CCDC192: variants seen among roughly 807,000 people sequenced by gnomAD.
The protein encoded by CCDC192 is coiled-coil domain-containing protein 192.
chr5:127,706,790 A>G (rs1750991785), intron 1 of CCDC192, among the ~76,000 whole-genome samples: 1 of 152,194 alleles, frequency 6.6e-6, no homozygotes, highest in Admixed American at 6.5e-5. Context: ...TTAGAATGTG[A>G]TAAGTATCAC....
At chr5:127,770,377 C>A (rs907918177) in intron 3 of CCDC192, among the ~76,000 whole-genome samples, 2 of 152,246 alleles carry the variant, frequency 1.3e-5, no homozygotes, top group Non-Finnish European at 2.9e-5. Flanking sequence ...CAAAGGAATT[C>A]TCTGTACCTC....
chr5:127,897,845 A>G (rs1423147800), intron 6 of CCDC192, among the ~76,000 whole-genome samples: 3 of 152,324 alleles, frequency 2.0e-5, no homozygotes, highest in Middle Eastern at 3.4e-3. Context: ...AGTAACCTTT[A>G]TAATATTAGA....
At chr5:127,756,259 CAG>C (rs1754587273) in intron 3 of CCDC192, among the ~76,000 whole-genome samples, 2 of 152,238 alleles carry the variant, frequency 1.3e-5, no homozygotes, top group Admixed American at 6.5e-5. Flanking sequence ...TTTATCAAGA[CAG>C]GGGAATTACA....
intron 3 of CCDC192, among the ~76,000 whole-genome samples, chr5:127,783,725 T>A (rs1756377281): frequency 6.6e-6 from 1 of 152,224 alleles, no homozygotes. Flanking sequence ...GTGCTGTCAG[T>A]GGAGTATTGA....
At chr5:127,889,471 G>A (rs1353080166) in intron 6 of CCDC192, among the ~76,000 whole-genome samples, 2 of 149,678 alleles carry the variant, frequency 1.3e-5, no homozygotes, top group South Asian at 2.1e-4. Context: ...GCACCATCTC[G>A]GCTCACTGCA....
At chr5:127,797,775 A>ATATATATT (rs1757259786) in intron 4 of CCDC192, among the ~76,000 whole-genome samples, 1 of 127,470 alleles carries the variant, frequency 7.8e-6, no homozygotes, top group East Asian at 2.3e-4. Context: ...ATATATATAT[A>ATATATATT]TATTTATTTA....
At chr5:127,907,551 C>T (rs1044046444) in intron 6 of CCDC192, among the ~76,000 whole-genome samples, 1 of 152,034 alleles carries the variant, frequency 6.6e-6, no homozygotes, top group African/African-American at 2.4e-5. Flanking sequence ...GACATCTATT[C>T]AAAGTTTTGC....
At chr5:127,779,733 ATG>A (rs946666308) in intron 3 of CCDC192, among the ~76,000 whole-genome samples, 15 of 152,116 alleles carry the variant, frequency 9.9e-5, no homozygotes, top group African/African-American at 3.6e-4. Flanking sequence ...TTTTTAAAAA[ATG>A]TTTTTATTTT....
At position 127,875,101 on chromosome 5, in the gene CCDC192, G is replaced by A. The variant is rs539086922; in HGVS notation, c.412-437G>A. 3.3e-5 allele frequency among the ~76,000 whole-genome samples: 5 copies of A among 152,234 alleles called. No homozygotes were observed. In the East Asian group the frequency reaches 7.7e-4, roughly 24 times the overall value. ...ATCACACTTTAGAGTGTATTTGAAAGCAAACCATTATGGTGTTGAGGGGGA... is the reference window on the plus strand; with the variant it reads ...ATCACACTTTAGAGTGTATTTGAAAACAAACCATTATGGTGTTGAGGGGGA... On this transcript the variant is annotated intron_variant, in intron 5 of 6. Transcript: ENST00000514853.
intron 6 of CCDC192, among the ~76,000 whole-genome samples, chr5:127,883,381 G>C (rs1028588939): frequency 6.6e-6 from 1 of 152,180 alleles, no homozygotes; most frequent in Admixed American, 6.5e-5. Context: ...GAGCATAGGA[G>C]TGATCAGTTA....
chr5:127,721,441 C>T (rs1752015547), intron 2 of CCDC192, among the ~76,000 whole-genome samples: 1 of 152,186 alleles, frequency 6.6e-6, no homozygotes, highest in Admixed American at 6.5e-5. Flanking sequence ...CTGAGACCAC[C>T]TCAGCCTGAC....
chr5:127,883,524 T>C (rs1457345562), intron 6 of CCDC192, among the ~76,000 whole-genome samples: 11 of 152,230 alleles, frequency 7.2e-5, no homozygotes, highest in Admixed American at 4.6e-4. Flanking sequence ...CTGTTAGTTA[T>C]CTCTTCCTTT....
intron 6 of CCDC192, among the ~76,000 whole-genome samples, chr5:127,888,039 C>T (rs1017497848): frequency 1.3e-5 from 2 of 151,946 alleles, no homozygotes; most frequent in African/African-American, 4.8e-5. Flanking sequence ...AAGCTTTCAA[C>T]ATGAGAACTC....
At chr5:127,713,062 C>T (rs1751429375) in intron 2 of CCDC192, among the ~76,000 whole-genome samples, 1 of 152,050 alleles carries the variant, frequency 6.6e-6, no homozygotes, top group African/African-American at 2.4e-5. Context: ...TGGAGAAACG[C>T]TGTCTCTACT....
intron 6 of CCDC192, among the ~76,000 whole-genome samples, chr5:127,899,817 T>C (rs1003480652): frequency 2.0e-5 from 3 of 152,230 alleles, no homozygotes; most frequent in Non-Finnish European, 4.4e-5. Context: ...ACCCTGAATG[T>C]ACAGCTGTCC....
chr5:127,719,739 G>T (rs1186927992), intron 2 of CCDC192, among the ~76,000 whole-genome samples: 1 of 149,078 alleles, frequency 6.7e-6, no homozygotes, highest in Non-Finnish European at 1.5e-5. Context: ...TGGTTCTACA[G>T]AAAGCATGGC....
At chr5:127,809,275 A>G (rs1017296397) in intron 5 of CCDC192, among the ~76,000 whole-genome samples, 10 of 152,100 alleles carry the variant, frequency 6.6e-5, no homozygotes, top group African/African-American at 2.2e-4. Flanking sequence ...GCCATAATTG[A>G]GAATATATAT....
At chr5:127,874,378 T>A (rs1467413128) in intron 5 of CCDC192, among the ~76,000 whole-genome samples, 1 of 152,206 alleles carries the variant, frequency 6.6e-6, no homozygotes, top group Non-Finnish European at 1.5e-5. Context: ...CTGGGTGACC[T>A]CCCAAAGGTT....
chr5:127,836,461 G>T (rs894022345), intron 5 of CCDC192, among the ~76,000 whole-genome samples: 4 of 152,164 alleles, frequency 2.6e-5, no homozygotes, highest in African/African-American at 9.7e-5. Flanking sequence ...TGCCCCAGTG[G>T]GGACTCTGTA....
Sources: gnomAD v4.1 joint callset for allele counts (sites outside exome capture counted in the v4.1 genomes callset) on GRCh38, gnomAD v4.1.1 for gene constraint, MANE v1.5 for transcripts, NCBI Gene and HGNC (gene_info 2026-07-23, HGNC 2026-07-21) for gene names.